The following ABCB9 variants were observed in gnomAD, a reference collection of about 807,000 sequenced individuals.
ABCB9 encodes ATP binding cassette subfamily B member 9, also known as ABC-type oligopeptide transporter ABCB9.
Under a neutral mutation model 62.0 loss-of-function variants are expected in ABCB9, and 36 were observed. The ratio of observed to expected loss-of-function variants is 0.58; its 90% CI spans 0.45 to 0.77. The LOEUF is 0.77. Ranked by LOEUF, ABCB9 falls within the 30% of genes least tolerant of loss-of-function variation. The probability of loss-of-function intolerance (pLI) is 0.00; values close to 1 mark genes in which losing one functional copy is unlikely to be tolerated. For synonymous variants in ABCB9, 435 were observed against 461.4 expected, an observed-to-expected ratio of 0.94 and a Z score of 0.73; for missense variants, 943 against 1,054.7, an observed-to-expected ratio of 0.89 and a Z score of 1.47.
In ABCB9 at chr12:122,930,766, CTT is replaced by C. The variant is rs34487908; in HGVS notation, c.2041-597_2041-596del. Among the ~76,000 whole-genome samples, 4,250 of 152,172 alleles carry C rather than the reference CTT, an allele frequency of 0.028. 207 individuals are homozygous for C. The highest frequency in any genetic ancestry group is 0.094 in the African/African-American group (3,891 of 41,472). ...ATGGAAACACCATGGGGACAAGGGT[CTT>C]TGTCTAGTTAGCCCACGATAACCCC... On this transcript the variant is annotated intron_variant, in intron 11 of 11. Transcript: ENST00000280560. This position sits in a 1 kb window ranked among gnomAD's most constrained non-coding sequence, Gnocchi z 4.9.
chr12:122,944,677 C>T lies in ABCB9; in HGVS notation c.1252-158G>A. 1.0e-6 allele frequency: 1 copy of T among 999,142 alleles called. No homozygotes were observed. The highest frequency in any genetic ancestry group is 2.7e-5 in the East Asian group (1 of 36,644). The allele number at this position is 999,142 out of a possible 1,614,324, so 61.9% of individuals were successfully genotyped here. A position where few individuals can be genotyped will look rare whatever the true frequency, so the allele number is the denominator to read the frequency against. On this transcript the variant is annotated intron_variant, in intron 6 of 11. Transcript: ENST00000280560. This position sits in a 1 kb window ranked among gnomAD's most constrained non-coding sequence, Gnocchi z 4.9. ...CAGGGGTGTCTTCCAAGGCTTGTCA[C>T]TCATGCCTTCCCCTGCCCCGAGCAT...
chr12:122,930,261 C>G lies in ABCB9; in HGVS notation c.2041-90G>C. On this transcript the variant is annotated intron_variant, in intron 11 of 11. Transcript: ENST00000280560. The surrounding 1 kb of genome is among the most constrained non-coding windows in gnomAD (Gnocchi z 4.9). The stretch of plus-strand genomic sequence containing the variant: ...CCACGGCCTATGGGCTGATGCTTAA[C>G]CTCTCTGAGGCTCAGTTCACAAACG... 7.7e-7 allele frequency: 1 copy of G among 1,297,002 alleles called. No homozygotes were observed. The highest frequency in any genetic ancestry group is 1.0e-6 in the Non-Finnish European group (1 of 956,498). The allele number at this position is 1,297,002 out of a possible 1,614,324, so 80.3% of individuals were successfully genotyped here.
chr12:122,938,822 T>C (rs113539595), intron 9 of ABCB9, among the ~76,000 whole-genome samples: 6,562 of 144,604 alleles, frequency 0.045, 468 homozygotes, highest in African/African-American at 0.16. Flanking sequence ...AGCGAGACTC[T>C]GTCTCCAAAA....
At chr12:122,953,652 C>T (rs2036475549) in intron 2 of ABCB9, among the ~76,000 whole-genome samples, 1 of 152,166 alleles carries the variant, frequency 6.6e-6, no homozygotes, top group Non-Finnish European at 1.5e-5. Flanking sequence ...TCCCAAAGTG[C>T]TGGGATTACA....
Position 122,947,547 on chromosome 12 carries a change from T to A in ABCB9, c.1053+1077A>T, listed in dbSNP as rs2036110686. 1 of 442,528 alleles carries A rather than the reference T, an allele frequency of 2.3e-6. No individual in the cohort carries two copies. The highest frequency in any genetic ancestry group is 7.1e-5 in the East Asian group (1 of 14,120). 27.4% of individuals were successfully genotyped at this position (442,528 alleles called of 1,614,324 possible). A position where few individuals can be genotyped will look rare whatever the true frequency, so the allele number is the denominator to read the frequency against. Reference sequence around the variant, plus strand: ...AGTACCCCACGTGGGCCTGGGTGACTGTGAGGGGGTTGCCTGTACCTGTCA... The same window carrying A: ...AGTACCCCACGTGGGCCTGGGTGACAGTGAGGGGGTTGCCTGTACCTGTCA... On this transcript the variant is annotated intron_variant, in intron 5 of 11. Transcript: ENST00000280560. The surrounding 1 kb of genome is among the most constrained non-coding windows in gnomAD (Gnocchi z 6.0).
In ABCB9 at chr12:122,960,259, T is replaced by C. The variant is rs1594069637; in HGVS notation, c.-24A>G. ...ATCCTGCTGGTTGGAGGTGGGCGGGTGCTGAAGGCCAGGTTGTAGCTCACG... is the reference window on the plus strand; with the variant it reads ...ATCCTGCTGGTTGGAGGTGGGCGGGCGCTGAAGGCCAGGTTGTAGCTCACG... On this transcript the variant is annotated 5_prime_UTR_variant, in exon 2 of 12. Coordinates refer to ENST00000280560, the MANE Select transcript of ABCB9 (RefSeq NM_019625.4). 1.2e-6 allele frequency: 2 copies of C among 1,601,490 alleles called. No homozygotes were observed. Among genetic ancestry groups the C allele is most frequent in the African/African-American group, 1.3e-5 (1 of 74,764 alleles).
chr12:122,950,171 G>A (rs1055217688), intron 3 of ABCB9, among the ~76,000 whole-genome samples: 5 of 152,222 alleles, frequency 3.3e-5, no homozygotes, highest in African/African-American at 9.6e-5. Flanking sequence ...AGACAAAGCC[G>A]GTTCTGTTTG....
rs2035699003 is a variant in ABCB9, at chr12:122,940,491, T to C, written c.1570-207A>G. Among the ~76,000 whole-genome samples, 1 of 152,174 alleles carries C rather than the reference T, an allele frequency of 6.6e-6. No individual in the cohort carries two copies. The highest frequency in any genetic ancestry group is 2.1e-4 in the South Asian group (1 of 4,828). On this transcript the variant is annotated intron_variant, in intron 8 of 11. Transcript: ENST00000280560. The surrounding 1 kb of genome is among the most constrained non-coding windows in gnomAD (Gnocchi z 4.8). ...TTGCTGTTTCCTCTGTCTGGAATGT[T>C]CTCTCTGCAGGGAGGCCCCTGGTGA...
chr12:122,930,031 C>T lies in ABCB9; in HGVS notation c.2181G>A (p.Leu727=). Residue 727 remains leucine, a synonymous_variant, in exon 12 of 12, where the codon CTG becomes CTA. Coordinates refer to ENST00000280560, the MANE Select transcript of ABCB9 (RefSeq NM_019625.4). The surrounding 1 kb of genome is among the most constrained non-coding windows in gnomAD (Gnocchi z 4.9). ...RVVQQGTHQQ[L]LAQGGLYAKL... is the part of the protein sequence containing the mutation. Reference sequence around the variant, plus strand: ...TGGCGTAGAGGCCGCCCTGGGCCAGCAGCTGCTGGTGGGTGCCCTGCTGCA... The same window carrying T: ...TGGCGTAGAGGCCGCCCTGGGCCAGTAGCTGCTGGTGGGTGCCCTGCTGCA... The T allele has an allele frequency of 1.3e-6, 2 of 1,573,528 alleles. No individual in the cohort carries two copies. Among genetic ancestry groups the T allele is most frequent in the Non-Finnish European group, 8.6e-7 (1 of 1,160,582 alleles).
chr12:122,919,716 C>A (rs1204531787), downstream of ABCB9, among the ~76,000 whole-genome samples: 1 of 151,956 alleles, frequency 6.6e-6, no homozygotes. Context: ...CCACTGTGAC[C>A]CACAACCTAG....
At chr12:122,943,669 G>T (rs1387016810) in intron 7 of ABCB9, among the ~76,000 whole-genome samples, 1 of 151,772 alleles carries the variant, frequency 6.6e-6, no homozygotes, top group Non-Finnish European at 1.5e-5. Context: ...CGCTTTGGTT[G>T]CCCAGGCTGG....
At chr12:122,933,307 T>C (rs2035288736) in intron 10 of ABCB9, among the ~76,000 whole-genome samples, 1 of 152,170 alleles carries the variant, frequency 6.6e-6, no homozygotes, top group Admixed American at 6.5e-5. Context: ...TCCCAGCACT[T>C]TGGGAGGCCA....
At chr12:122,922,975 T>C (rs546240688) in intron 11 of ABCB9, among the ~76,000 whole-genome samples, 3 of 152,076 alleles carry the variant, frequency 2.0e-5, no homozygotes, top group East Asian at 1.9e-4. Flanking sequence ...TCTTCTTCTT[T>C]TTTTTAAAGT....
chr12:122,940,714 C>T lies in ABCB9; in HGVS notation c.1569+93G>A, dbSNP rs118097728. ...GCAATGATCTTGCCTGACATATTCC[C>T]AGCTGCCCTGCCACAGCCTGGTGTA... On this transcript the variant is annotated intron_variant, in intron 8 of 11. Transcript: ENST00000280560. The surrounding 1 kb of genome is among the most constrained non-coding windows in gnomAD (Gnocchi z 4.8). 18,567 of 1,417,398 alleles carry T rather than the reference C, an allele frequency of 0.013. 153 individuals are homozygous for T. Among genetic ancestry groups the T allele is most frequent in the Non-Finnish European group, 0.014 (15,443 of 1,067,900 alleles). The allele number at this position is 1,417,398 out of a possible 1,614,324, so 87.8% of individuals were successfully genotyped here.
At position 122,940,368 on chromosome 12, in the gene ABCB9, C is replaced by G; in HGVS notation, c.1570-84G>C. On this transcript the variant is annotated intron_variant, in intron 8 of 11. Coordinates refer to ENST00000280560, the MANE Select transcript of ABCB9 (RefSeq NM_019625.4). The surrounding 1 kb of genome is among the most constrained non-coding windows in gnomAD (Gnocchi z 4.8). ...CCCTGACCTTGGACACAGGTGGGTG[C>G]CCTTCCCAGCCCACCCCATGTGCCT... 2.1e-6 allele frequency: 3 copies of G among 1,457,384 alleles called. No individual in the cohort carries two copies. Among genetic ancestry groups the G allele is most frequent in the Non-Finnish European group, 2.8e-6 (3 of 1,089,482 alleles). The allele number at this position is 1,457,384 out of a possible 1,614,324, so 90.3% of individuals were successfully genotyped here.
rs2035043429 is a variant in ABCB9 at position 122,929,883 on chromosome 12, C to T, written c.*28G>A. 6.6e-7 allele frequency: 1 copy of T among 1,510,170 alleles called. No homozygotes were observed. The highest frequency in any genetic ancestry group is 2.3e-4 in the Middle Eastern group (1 of 4,332). 93.5% of individuals were successfully genotyped at this position (1,510,170 alleles called of 1,614,324 possible). A position where few individuals can be genotyped will look rare whatever the true frequency, so the allele number is the denominator to read the frequency against. ...TGCCAGGCAGGCACCGGGTCCTCTG[C>T]CCCACCGGGAGAAGCAGGGGCCCCC... is the stretch of plus-strand genomic sequence containing the variant. On this transcript the variant is annotated 3_prime_UTR_variant, in exon 12 of 12. Transcript: ENST00000280560. This position sits in a 1 kb window ranked among gnomAD's most constrained non-coding sequence, Gnocchi z 6.0.
In ABCB9 at chr12:122,944,395, A is replaced by G. The variant is rs143711167; in HGVS notation, c.1376T>C (p.Met459Thr). The G allele has an allele frequency of 1.8e-5, 29 of 1,606,824 alleles. No individual in the cohort carries two copies. The African/African-American group carries it at 3.6e-4, about 20-fold the overall frequency. Residue 459 changes from methionine (M) to threonine (T), a missense_variant, in exon 7 of 12, where the codon ATG (methionine) becomes ACG (threonine). Physicochemically the swap from Met to Thr is moderately conservative, Grantham distance 81. Coordinates refer to ENST00000280560, the MANE Select transcript of ABCB9 (RefSeq NM_019625.4). The surrounding 1 kb of genome is among the most constrained non-coding windows in gnomAD (Gnocchi z 4.9). Reference protein sequence around the residue: ...IIYEFVLGDCMESVGSVYSGL... With the variant: ...IIYEFVLGDCTESVGSVYSGL... Reference sequence around the variant, plus strand: ...CCGGACACACTGGCCTCTCACCTCCATACAATCTCCCAGGACAAACTCGTA... The same window carrying G: ...CCGGACACACTGGCCTCTCACCTCCGTACAATCTCCCAGGACAAACTCGTA...
chr12:122,941,655 A>G (rs952373290), intron 7 of ABCB9, among the ~76,000 whole-genome samples: 1 of 152,024 alleles, frequency 6.6e-6, no homozygotes, highest in Non-Finnish European at 1.5e-5. Context: ...ATAAATAAAT[A>G]TATTCTCCTT....
chr12:122,975,098 C>T (rs1000288082), exon 1 of ABCB9: 5 of 499,308 alleles, frequency 1.0e-5, no homozygotes, highest in African/African-American at 9.7e-5. Flanking sequence ...GAGCATCTTT[C>T]TCCGCAGACC....
Sources: gnomAD v4.1 joint callset for allele counts (sites outside exome capture counted in the v4.1 genomes callset) on GRCh38, gnomAD v4.1.1 for gene constraint, Gnocchi (gnomAD v3.1) non-coding constraint, MANE v1.5 for transcripts, NCBI Gene and HGNC (gene_info 2026-07-23, HGNC 2026-07-21) for gene names.